Variants in ERCC6L2 observed in about 807,000 individuals in gnomAD.
The protein encoded by ERCC6L2 is ERCC excision repair 6 like 2, also known as DNA excision repair protein ERCC-6-like 2.
A neutral mutation model predicts 132.0 loss-of-function variants in ERCC6L2; 77 were observed. That is an observed-to-expected ratio of 0.58 (90% confidence interval 0.49 to 0.71). The LOEUF (loss-of-function observed/expected upper bound fraction) is 0.71. Ranked by LOEUF, ERCC6L2 falls within the 30% of genes least tolerant of loss-of-function variation. ERCC6L2 has a pLI of 0.00. For synonymous variants in ERCC6L2, 583 were observed against 632.4 expected (o/e 0.92, Z 1.17); for missense variants, 1,542 against 1,837.6 (o/e 0.84, Z 2.94).
At chr9:95,958,801 C>T (rs974324385) in intron 13 of ERCC6L2, among the ~76,000 whole-genome samples, 1 of 152,064 alleles carries the variant, frequency 6.6e-6, no homozygotes, top group African/African-American at 2.4e-5. Context: ...AATAAAATAC[C>T]TAGGAATCCT....
At position 95,992,363 on chromosome 9, in the gene ERCC6L2, C is replaced by T. The variant is rs546035574; in HGVS notation, c.3493-12157C>T. Among the ~76,000 whole-genome samples the T allele has an allele frequency of 2.6e-5, 4 of 152,252 alleles. No homozygotes were observed. The South Asian group carries it at 8.3e-4, about 32-fold the overall frequency. On this transcript the variant is annotated intron_variant, in intron 17 of 18. Transcript: ENST00000653738. ...ATAAAGGGGTTCTAAGACCAAAAAG[C>T]TTCAGAACTGCTGTCTTAGACCCAT...
At chr9:96,030,322 C>T (rs1332315123) in intron 19 of ERCC6L2, among the ~76,000 whole-genome samples, 3 of 152,142 alleles carry the variant, frequency 2.0e-5, no homozygotes, top group Non-Finnish European at 4.4e-5. Flanking sequence ...AGCGGCAACA[C>T]GCTCGGGTTC....
intron 6 of ERCC6L2, among the ~76,000 whole-genome samples, chr9:95,919,836 T>A (rs2132730163): frequency 6.6e-6 from 1 of 152,110 alleles, no homozygotes; most frequent in East Asian, 1.9e-4. Flanking sequence ...CTTGGAGAAA[T>A]TCAAGAGCTA....
chr9:96,012,183 T>G, intron 18 of ERCC6L2, 42 bp from the exon 19 acceptor site: 1 of 1,161,406 alleles, frequency 8.6e-7, no homozygotes, highest in Non-Finnish European at 1.1e-6. Flanking sequence ...CAAAATAAAA[T>G]GTAATGAAAA....
intron 17 of ERCC6L2, among the ~76,000 whole-genome samples, chr9:95,989,584 G>C (rs977594434): frequency 6.6e-6 from 1 of 152,244 alleles, no homozygotes; most frequent in Non-Finnish European, 1.5e-5. Flanking sequence ...CTCTGGATTA[G>C]AGAAGTGTGA....
intron 12 of ERCC6L2, among the ~76,000 whole-genome samples, chr9:95,945,159 C>T (rs1257226644): frequency 1.3e-5 from 2 of 152,168 alleles, no homozygotes; most frequent in Non-Finnish European, 2.9e-5. Flanking sequence ...ACGGCCGCAC[C>T]TGAAGCGGCC....
chr9:95,942,384 T>C (rs1830846957), intron 12 of ERCC6L2, among the ~76,000 whole-genome samples: 1 of 151,510 alleles, frequency 6.6e-6, no homozygotes, highest in Admixed American at 6.6e-5. Context: ...AAAACAGACA[T>C]TGAAGGGAAT....
chr9:96,031,857 G>C (rs952415628), intron 19 of ERCC6L2, among the ~76,000 whole-genome samples: 2 of 152,076 alleles, frequency 1.3e-5, no homozygotes, highest in African/African-American at 4.8e-5. Context: ...CTGCTTGCTG[G>C]GCACATCCTG....
chr9:96,027,046 CCACACACTA>C (rs1834385066), intron 19 of ERCC6L2, among the ~76,000 whole-genome samples: 1 of 144,122 alleles, frequency 6.9e-6, no homozygotes, highest in Non-Finnish European at 1.5e-5. Context: ...ACCCACCACC[CCACACACTA>C]CACACACCAC....
intron 18 of ERCC6L2, among the ~76,000 whole-genome samples, chr9:96,007,615 A>G (rs1221925509): frequency 6.6e-6 from 1 of 152,234 alleles, no homozygotes; most frequent in Non-Finnish European, 1.5e-5. Flanking sequence ...GTGAGATGCA[A>G]GAGCCTTGCC....
downstream of ERCC6L2, among the ~76,000 whole-genome samples, chr9:96,021,984 C>T (rs1402264448): frequency 6.6e-6 from 1 of 152,174 alleles, no homozygotes; most frequent in Non-Finnish European, 1.5e-5. The surrounding 1 kb of genome is among the most constrained non-coding windows in gnomAD (Gnocchi z 4.7). Flanking sequence ...GCCCCAATCC[C>T]CCGGCCTCAC....
rs1041556138 is a variant in ERCC6L2 at position 95,876,009 on chromosome 9, C to G, written c.-30C>G. On this transcript the variant is annotated 5_prime_UTR_variant, in exon 1 of 19. Coordinates refer to ENST00000653738, the MANE Select transcript of ERCC6L2 (RefSeq NM_020207.7). ...TCCGCCGCCTTCCGGGTGTTACATGCAGCCGGGCTCGGCCCCTCCCCCTGG... is the reference window on the plus strand; with the variant it reads ...TCCGCCGCCTTCCGGGTGTTACATGGAGCCGGGCTCGGCCCCTCCCCCTGG... 11 of 1,573,944 alleles carry G rather than the reference C, an allele frequency of 7.0e-6. No homozygotes were observed. The Admixed American group carries it at 1.3e-4, about 18-fold the overall frequency.
intron 1 of ERCC6L2, 71 bp downstream of exon 1, chr9:95,876,155 T>G: frequency 4.3e-4 from 622 of 1,443,924 alleles, no homozygotes; most frequent in Non-Finnish European, 5.4e-4. Context: ...TTCTTGCCGG[T>G]GCCCTTCGGG....
chr9:95,974,422 A>T (rs1832572201), intron 16 of ERCC6L2, among the ~76,000 whole-genome samples: 1 of 152,208 alleles, frequency 6.6e-6, no homozygotes, highest in Admixed American at 6.5e-5. Context: ...TAATAATATT[A>T]TTAAGGCTCC....
In ERCC6L2 at chr9:96,039,035, A is replaced by G. The variant is rs1007747395; in HGVS notation, c.*1663A>G. On this transcript the variant is annotated 3_prime_UTR_variant and NMD_transcript_variant, in exon 20 of 21. Coordinates refer to the ERCC6L2 transcript ENST00000670016. The stretch of plus-strand genomic sequence containing the variant: ...CTTGGAGACAGCTCCCCCAGCCCCA[A>G]CACACGCAGATGATCATGGTCCTGG... 17 of 424,406 alleles carry G rather than the reference A, an allele frequency of 4.0e-5. No homozygotes were observed. The Admixed American group carries it at 4.3e-4, about 11-fold the overall frequency. 26.3% of individuals were successfully genotyped at this position (424,406 alleles called of 1,614,324 possible).
At chr9:96,001,622 G>T (rs1238247296) in intron 17 of ERCC6L2, among the ~76,000 whole-genome samples, 1 of 152,224 alleles carries the variant, frequency 6.6e-6, no homozygotes, top group Non-Finnish European at 1.5e-5. Flanking sequence ...GACTCTCCAC[G>T]TCCCCACCAG....
chr9:95,935,252 G>A (rs1830504869), intron 11 of ERCC6L2, among the ~76,000 whole-genome samples: 1 of 152,136 alleles, frequency 6.6e-6, no homozygotes, highest in Non-Finnish European at 1.5e-5. Flanking sequence ...TTATTAAAAA[G>A]AAAAGGAAAA....
chr9:96,036,464 C>T (rs948444147), intron 19 of ERCC6L2, among the ~76,000 whole-genome samples: 5 of 152,192 alleles, frequency 3.3e-5, no homozygotes, highest in African/African-American at 7.2e-5. Context: ...CATGGGTGTT[C>T]GTGCTGCTCT....
At chr9:96,020,658 A>T (rs1834270396), downstream of ERCC6L2, 1 of 406,080 alleles carries the variant, frequency 2.5e-6, no homozygotes, top group Non-Finnish European at 5.0e-6. Flanking sequence ...GCTGCAGATG[A>T]TGGAATGCCC....
Sources: gnomAD v4.1 joint callset for allele counts (sites outside exome capture counted in the v4.1 genomes callset) on GRCh38, gnomAD v4.1.1 for gene constraint, Gnocchi (gnomAD v3.1) non-coding constraint, MANE v1.5 for transcripts, NCBI Gene and HGNC (gene_info 2026-07-23, HGNC 2026-07-21) for gene names.